The following POU6F2 variants were observed in gnomAD, a reference collection of about 807,000 sequenced individuals.
POU6F2 encodes the protein POU domain, class 6, transcription factor 2.
In POU6F2, 31 loss-of-function variants were observed where a neutral mutation model predicts 71.3. That is an observed-to-expected ratio of 0.43 (90% CI 0.33 to 0.59). POU6F2 has a LOEUF of 0.59. Ranked by LOEUF, POU6F2 falls within the 20% of genes least tolerant of loss-of-function variation. POU6F2 has a pLI of 0.04. For synonymous variants in POU6F2, 347 were observed against 355.7 expected, an observed-to-expected ratio of 0.98 and a Z score of 0.27; for missense variants, 783 against 856.8, an observed-to-expected ratio of 0.91 and a Z score of 1.07.
chr7:38,979,488 T>C (rs555837396), intron 1 of POU6F2, among the ~76,000 whole-genome samples: 2 of 152,314 alleles, frequency 1.3e-5, no homozygotes, highest in South Asian at 2.1e-4. Flanking sequence ...CAGAGAAATA[T>C]TTTTTAAAAC....
chr7:39,108,922 A>G (rs182024781), intron 2 of POU6F2, among the ~76,000 whole-genome samples: 20 of 152,352 alleles, frequency 1.3e-4, no homozygotes, highest in African/African-American at 4.8e-4. Context: ...AAACTAGAGG[A>G]AAAAGGTTAA....
intron 1 of POU6F2, among the ~76,000 whole-genome samples, chr7:39,044,671 G>A (rs982118286): frequency 4.6e-5 from 7 of 152,014 alleles, no homozygotes; most frequent in Non-Finnish European, 1.0e-4. Flanking sequence ...ACAGGTTGTT[G>A]TGGTTAGCAC....
At chr7:39,249,663 G>A (rs1442708533) in intron 4 of POU6F2, among the ~76,000 whole-genome samples, 2 of 152,172 alleles carry the variant, frequency 1.3e-5, no homozygotes, top group African/African-American at 4.8e-5. Context: ...TTGTAATAGT[G>A]TAATTGCCTT....
intron 1 of POU6F2, among the ~76,000 whole-genome samples, chr7:39,030,543 TAC>T (rs1554310459): frequency 1.0e-4 from 9 of 87,996 alleles, no homozygotes; most frequent in Non-Finnish European, 1.4e-4. Context: ...TATATATATA[TAC>T]ACACACATAC....
intron 6 of POU6F2, among the ~76,000 whole-genome samples, chr7:39,430,911 A>C (rs1370502149): frequency 6.6e-6 from 1 of 152,200 alleles, no homozygotes; most frequent in African/African-American, 2.4e-5. Context: ...TTCATTGTGC[A>C]TGTGTGGAAA....
intron 5 of POU6F2, among the ~76,000 whole-genome samples, chr7:39,399,402 T>G (rs929019258): frequency 6.6e-5 from 10 of 152,228 alleles, no homozygotes; most frequent in Non-Finnish European, 8.8e-5. Context: ...GTCCCCAGAT[T>G]ACCCACACTT....
intron 4 of POU6F2, among the ~76,000 whole-genome samples, chr7:39,298,052 A>G (rs1181129952): frequency 1.3e-5 from 2 of 152,200 alleles, no homozygotes. Flanking sequence ...ACCCAAAACC[A>G]TAAAAACCCT....
intron 1 of POU6F2, among the ~76,000 whole-genome samples, chr7:38,994,730 T>C (rs765107373): frequency 6.6e-6 from 1 of 152,206 alleles, no homozygotes; most frequent in Non-Finnish European, 1.5e-5. Flanking sequence ...CCTGGTTCCC[T>C]GGTTCAGTCC....
chr7:39,311,682 G>T (rs1245492172), intron 4 of POU6F2, among the ~76,000 whole-genome samples: 1 of 152,180 alleles, frequency 6.6e-6, no homozygotes, highest in African/African-American at 2.4e-5. Flanking sequence ...TATAAACATA[G>T]AGAGAGAGCA....
intron 1 of POU6F2, among the ~76,000 whole-genome samples, chr7:39,015,443 C>T: frequency 8.3e-6 from 1 of 120,106 alleles, no homozygotes; most frequent in African/African-American, 3.2e-5. Flanking sequence ...AATATATAAT[C>T]TAATATATAT....
Position 39,159,239 on chromosome 7 carries a change from T to C in POU6F2, c.278-44996T>C, listed in dbSNP as rs117506099. Among the ~76,000 whole-genome samples the C allele has an allele frequency of 3.7e-4, 57 of 152,202 alleles. 2 individuals are homozygous for C. In the East Asian group the frequency reaches 0.011, roughly 29 times the overall value. On this transcript the variant is annotated intron_variant, in intron 2 of 9. Coordinates refer to ENST00000518318, the MANE Select transcript of POU6F2 (RefSeq NM_001370959.1). ...GCCCTCCTCCAGTGTCACATTATTG[T>C]TTTTCTATAGGATTATGTTCTTGTC...
intron 2 of POU6F2, among the ~76,000 whole-genome samples, chr7:39,129,782 G>A (rs937912582): frequency 4.6e-5 from 7 of 151,900 alleles, no homozygotes; most frequent in East Asian, 3.9e-4. Flanking sequence ...AATTTTTTTC[G>A]GCCGGGCGCT....
intron 1 of POU6F2, among the ~76,000 whole-genome samples, chr7:39,003,727 C>T (rs373246216): frequency 2.0e-5 from 3 of 147,560 alleles, no homozygotes; most frequent in African/African-American, 5.0e-5. Flanking sequence ...CCAGCCTGGG[C>T]GACAGAGGGA....
intron 2 of POU6F2, among the ~76,000 whole-genome samples, chr7:39,121,759 T>G (rs1409716714): frequency 1.3e-5 from 2 of 152,100 alleles, no homozygotes; most frequent in Non-Finnish European, 2.9e-5. Flanking sequence ...AGTGCAGTGG[T>G]GTGATCCTGG....
intron 6 of POU6F2, among the ~76,000 whole-genome samples, chr7:39,431,954 C>T (rs1257438230): frequency 3.9e-5 from 6 of 152,204 alleles, no homozygotes; most frequent in South Asian, 2.1e-4. Context: ...ACCATCCTAC[C>T]GTGTGTGGAG....
chr7:39,288,962 A>G (rs1784698207), intron 4 of POU6F2, among the ~76,000 whole-genome samples: 1 of 152,180 alleles, frequency 6.6e-6, no homozygotes, highest in Non-Finnish European at 1.5e-5. Context: ...CCCTTATTTC[A>G]TTTTGAGCCC....
intron 1 of POU6F2, among the ~76,000 whole-genome samples, chr7:39,045,474 CCTT>C (rs1405365838): frequency 2.0e-5 from 3 of 151,804 alleles, no homozygotes; most frequent in Non-Finnish European, 2.9e-5. Flanking sequence ...TTGCCATAAA[CCTT>C]CTTGATCTCT....
Position 39,370,626 on chromosome 7 carries a change from T to C in POU6F2, c.972+30611T>C, listed in dbSNP as rs149827739. Among the ~76,000 whole-genome samples the C allele has an allele frequency of 4.2e-3, 633 of 152,354 alleles. 9 individuals are homozygous for C. Among genetic ancestry groups the C allele is most frequent in the East Asian group, 0.029 (151 of 5,184 alleles). On this transcript the variant is annotated intron_variant, in intron 5 of 9. Transcript: ENST00000518318. ...CCCTCCCCACCTCTGCCTAAATTAA[T>C]TCCTGCAATGGCTAATTTATGTGTC...
At chr7:39,078,713 G>T (rs1156834430) in intron 1 of POU6F2, among the ~76,000 whole-genome samples, 1 of 152,178 alleles carries the variant, frequency 6.6e-6, no homozygotes, top group East Asian at 1.9e-4. Flanking sequence ...GGCTTTGCAG[G>T]CCATAAAGCA....
Sources: gnomAD v4.1 joint callset for allele counts (sites outside exome capture counted in the v4.1 genomes callset) on GRCh38, gnomAD v4.1.1 for gene constraint, MANE v1.5 for transcripts, NCBI Gene and HGNC (gene_info 2026-07-23, HGNC 2026-07-21) for gene names.